PCDHGB3: variants seen among roughly 807,000 people sequenced by gnomAD.
PCDHGB3 encodes the protein protocadherin gamma-B3.
In PCDHGB3, 40 loss-of-function variants were observed where a neutral mutation model predicts 59.2. The ratio of observed to expected loss-of-function variants is 0.68; its 90% confidence interval spans 0.52 to 0.88. The LOEUF (loss-of-function observed/expected upper bound fraction) is 0.88. Ranked by LOEUF, PCDHGB3 falls within the 40% of genes least tolerant of loss-of-function variation. PCDHGB3 has a pLI of 0.00. For synonymous variants in PCDHGB3, 581 were observed against 503.6 expected (o/e 1.15, Z -2.06); for missense variants, 1,309 against 1,187.9 (o/e 1.10, Z -1.50).
intron 1 of PCDHGB3, chr5:141,399,317 C>T (rs368407532): frequency 2.0e-5 from 33 of 1,613,814 alleles, no homozygotes; most frequent in Non-Finnish European, 2.8e-5. Flanking sequence ...TCCAAAAATT[C>T]GTATAAGTTG....
chr5:141,487,477 C>A lies in PCDHGB3; in HGVS notation c.2416-7330C>A, dbSNP rs748435479. On this transcript the variant is annotated intron_variant, in intron 1 of 3. Transcript: ENST00000576222. The surrounding 1 kb of genome is among the most constrained non-coding windows in gnomAD (Gnocchi z 5.0). ...TCAAGTTTGTTGATGTGGGAGGCCA[C>A]TCTCATGGCTGTACACCCTTGGCTT... 1 of 1,614,200 alleles carries A rather than the reference C, an allele frequency of 6.2e-7. No individual in the cohort carries two copies. The highest frequency in any genetic ancestry group is 1.7e-5 in the Admixed American group (1 of 60,030).
intron 1 of PCDHGB3, among the ~76,000 whole-genome samples, chr5:141,473,431 G>C (rs541546681): frequency 6.6e-6 from 1 of 152,148 alleles, no homozygotes; most frequent in South Asian, 2.1e-4. Context: ...CAGATACTTT[G>C]CTTATGCAAA....
intron 2 of PCDHGB3, among the ~76,000 whole-genome samples, chr5:141,504,036 G>T (rs1472706342): frequency 6.6e-6 from 1 of 152,080 alleles, no homozygotes; most frequent in African/African-American, 2.4e-5. Flanking sequence ...ACTCATTTAG[G>T]CAACAAATAT....
intron 1 of PCDHGB3, chr5:141,390,211 A>C (rs2092083901): frequency 6.2e-7 from 1 of 1,613,936 alleles, no homozygotes. Context: ...TCAGGACAAG[A>C]CATACTTTGC....
intron 1 of PCDHGB3, chr5:141,427,831 G>A (rs2097077070): frequency 6.5e-7 from 1 of 1,539,366 alleles, no homozygotes; most frequent in East Asian, 2.2e-5. Context: ...GTCGCGCAGC[G>A]TGCCTTCGAC....
Position 141,431,473 on chromosome 5 carries a change from C to A in PCDHGB3, c.2415+58664C>A, listed in dbSNP as rs750300971. 16 of 1,613,714 alleles carry A rather than the reference C, an allele frequency of 9.9e-6. 1 individual carries two copies. The highest frequency in any genetic ancestry group is 9.3e-5 in the African/African-American group (7 of 74,948). On this transcript the variant is annotated intron_variant, in intron 1 of 3. Transcript: ENST00000576222. This position sits in a 1 kb window ranked among gnomAD's most constrained non-coding sequence, Gnocchi z 4.8. Reference sequence around the variant, plus strand: ...TGATGGTTCTGGATGCGAACGACAACGCACCAGCGTTTGCTCAGCCCGAGT... The same window carrying A: ...TGATGGTTCTGGATGCGAACGACAAAGCACCAGCGTTTGCTCAGCCCGAGT...
chr5:141,375,736 T>C (rs1771819108), intron 1 of PCDHGB3: 2 of 1,614,242 alleles, frequency 1.2e-6, no homozygotes, highest in East Asian at 2.2e-5. Flanking sequence ...TGAGCCTGTT[T>C]GTGCTGGACC....
At position 141,476,581 on chromosome 5, in the gene PCDHGB3, G is replaced by A. The variant is rs1393235114; in HGVS notation, c.2416-18226G>A. The A allele has an allele frequency of 5.0e-6, 8 of 1,614,230 alleles. No individual in the cohort carries two copies. The highest frequency in any genetic ancestry group is 6.8e-6 in the Non-Finnish European group (8 of 1,180,042). ...CCGTGGCTCCGGGGACGCGCTTTCC[G>A]CTCGAGAGCGCGCACGATCCCGATG... On this transcript the variant is annotated intron_variant, in intron 1 of 3. Transcript: ENST00000576222. This position sits in a 1 kb window ranked among gnomAD's most constrained non-coding sequence, Gnocchi z 7.6.
chr5:141,407,529 T>G (rs2154538729), intron 1 of PCDHGB3, among the ~76,000 whole-genome samples: 1 of 151,552 alleles, frequency 6.6e-6, no homozygotes, highest in South Asian at 2.1e-4. Context: ...CTTAACTTAT[T>G]GTGCATTGGT....
intron 1 of PCDHGB3, chr5:141,423,256 G>T (rs751894091): frequency 1.4e-5 from 22 of 1,613,816 alleles, no homozygotes; most frequent in Middle Eastern, 1.6e-4. Flanking sequence ...GGCGGACCTC[G>T]GCAGCCTCGA....
intron 1 of PCDHGB3, chr5:141,402,901 T>C: frequency 1.3e-6 from 2 of 1,520,230 alleles, no homozygotes; most frequent in Non-Finnish European, 1.8e-6. Flanking sequence ...AAGAACCTGA[T>C]GAAGCAGCGC....
rs186109113 is a variant in PCDHGB3, at chr5:141,415,284, G to C, written c.2415+42475G>C. ...TGTACCTGGTGGTAGCGGTGGCCGCGGTCTCCTGCGTCTTCCTGGCCTTCG... is the reference window on the plus strand; with the variant it reads ...TGTACCTGGTGGTAGCGGTGGCCGCCGTCTCCTGCGTCTTCCTGGCCTTCG... On this transcript the variant is annotated intron_variant, in intron 1 of 3. Transcript: ENST00000576222. 4,314 of 1,614,198 alleles carry C rather than the reference G, an allele frequency of 2.7e-3. 11 individuals are homozygous for C. The highest frequency in any genetic ancestry group is 7.3e-3 in the Middle Eastern group (44 of 6,062).
intron 1 of PCDHGB3, chr5:141,390,432 C>T: frequency 2.0e-6 from 2 of 985,350 alleles, no homozygotes; most frequent in South Asian, 3.4e-5. Context: ...GCTGTCATAT[C>T]ATTCTACAAA....
In PCDHGB3 at chr5:141,486,671, C is replaced by A. The variant is rs1307620045; in HGVS notation, c.2416-8136C>A. On this transcript the variant is annotated intron_variant, in intron 1 of 3. Coordinates refer to ENST00000576222, the MANE Select transcript of PCDHGB3 (RefSeq NM_018924.5). The surrounding 1 kb of genome is among the most constrained non-coding windows in gnomAD (Gnocchi z 5.0). The stretch of plus-strand genomic sequence containing the variant: ...CTACTCACTCCTGGAGCCCAGGAAT[C>A]GAGATGTATCAGCTTCCTCTTTCAT... 1.9e-6 allele frequency: 3 copies of A among 1,614,044 alleles called. No individual in the cohort carries two copies. The highest frequency in any genetic ancestry group is 2.5e-6 in the Non-Finnish European group (3 of 1,180,014).
chr5:141,404,466 TCTCTATTAA>T, intron 1 of PCDHGB3: 5 of 1,613,558 alleles, frequency 3.1e-6, no homozygotes, highest in Non-Finnish European at 4.2e-6. Context: ...TCCACCTATG[TCTCTATTAA>T]CTCAGACACT....
chr5:141,478,424 G>A, intron 1 of PCDHGB3: 2 of 1,613,686 alleles, frequency 1.2e-6, no homozygotes, highest in African/African-American at 1.3e-5. Context: ...CCGCCGCAGC[G>A]ACCCGCTGCT....
At chr5:141,465,779 G>GTT (rs879859429) in intron 1 of PCDHGB3, among the ~76,000 whole-genome samples, 3 of 145,118 alleles carry the variant, frequency 2.1e-5, no homozygotes, top group Non-Finnish European at 3.0e-5. Context: ...TCTTGTTACA[G>GTT]TTTTTTTTTT....
In PCDHGB3 at chr5:141,432,510, C is replaced by A; in HGVS notation, c.2415+59701C>A. 1 of 1,614,140 alleles carries A rather than the reference C, an allele frequency of 6.2e-7. No homozygotes were observed. The highest frequency in any genetic ancestry group is 8.5e-7 in the Non-Finnish European group (1 of 1,180,042). On this transcript the variant is annotated intron_variant, in intron 1 of 3. Coordinates refer to ENST00000576222, the MANE Select transcript of PCDHGB3 (RefSeq NM_018924.5). The surrounding 1 kb of genome is among the most constrained non-coding windows in gnomAD (Gnocchi z 6.0). ...GAGCTGGCTCCCCGCTCCGCAGAGCCCGGCTACCTGGTGACCAAGGTGGTG... is the reference window on the plus strand; with the variant it reads ...GAGCTGGCTCCCCGCTCCGCAGAGCACGGCTACCTGGTGACCAAGGTGGTG...
At chr5:141,384,386 T>C in intron 1 of PCDHGB3, 1 of 1,613,954 alleles carries the variant, frequency 6.2e-7, no homozygotes, top group Non-Finnish European at 8.5e-7. Flanking sequence ...GAAGACACCA[T>C]CCAGGGGGCT....
Sources: allele counts gnomAD v4.1 joint callset (sites outside exome capture counted in the v4.1 genomes callset), GRCh38; gene constraint gnomAD v4.1.1; non-coding constraint Gnocchi (gnomAD v3.1); transcripts MANE v1.5; gene names NCBI Gene and HGNC (gene_info 2026-07-23, HGNC 2026-07-21).